COL3A1: variants seen among roughly 807,000 people sequenced by gnomAD.
COL3A1 encodes collagen alpha-1(III) chain.
COL3A1 carries 46 observed loss-of-function variants against 200.9 expected under a neutral mutation model. That is an observed-to-expected ratio of 0.23 (90% CI 0.18 to 0.29). The LOEUF (loss-of-function observed/expected upper bound fraction) is 0.29. Among genes scored for constraint, COL3A1 ranks in the 10% least tolerant of loss-of-function variants. The probability of loss-of-function intolerance (pLI) is 1.00; values close to 1 mark genes in which losing one functional copy is unlikely to be tolerated. For missense variants in COL3A1, 1,367 were observed against 1,917.6 expected (o/e 0.71, Z 5.36); for synonymous variants, 650 against 628.0 (o/e 1.03, Z -0.52).
At chr2:188,980,258 G>T (rs1459768718) in intron 1 of COL3A1, among the ~76,000 whole-genome samples, 1 of 151,120 alleles carries the variant, frequency 6.6e-6, no homozygotes, top group Non-Finnish European at 1.5e-5. Context: ...CTGGTGGTTA[G>T]ATATATGATA....
At chr2:189,006,742 T>C (rs1216223394) in intron 43 of COL3A1, among the ~76,000 whole-genome samples, 195 bp from the exon 44 acceptor site, 1 of 152,144 alleles carries the variant, frequency 6.6e-6, no homozygotes, top group Non-Finnish European at 1.5e-5. Flanking sequence ...TTGCCCAACT[T>C]TTCTGTCTAG....
intron 1 of COL3A1, among the ~76,000 whole-genome samples, chr2:188,983,719 C>T (rs978548294): frequency 1.2e-4 from 18 of 151,990 alleles, no homozygotes; most frequent in Middle Eastern, 3.4e-3. Context: ...AAAATTTCAC[C>T]ATCTCACAAA....
rs1327525316 is a variant in COL3A1, at chr2:188,992,237, C to A, written c.996+9C>A. 1 of 1,613,200 alleles carries A rather than the reference C, an allele frequency of 6.2e-7. No individual in the cohort carries two copies. Among genetic ancestry groups the A allele is most frequent in the Non-Finnish European group, 8.5e-7 (1 of 1,179,376 alleles). ...GCAGTGATGGTCAACCAGTAAGTAACTTTCTATCTCTTATGTGTTGTAGGG... is the reference window on the plus strand; with the variant it reads ...GCAGTGATGGTCAACCAGTAAGTAAATTTCTATCTCTTATGTGTTGTAGGG... On this transcript the variant is annotated intron_variant, in intron 14 of 50. Transcript: ENST00000304636.
chr2:188,990,274 G>T lies in COL3A1; in HGVS notation c.745-33G>T, dbSNP rs184408551. 7.7e-5 allele frequency: 124 copies of T among 1,600,890 alleles called. 1 individual carries two copies. The Admixed American group carries it at 1.3e-3, about 16-fold the overall frequency. ...TACTAGATTGTGATTCTATTTGAAGGTTCATTAATATTTTTTCATTCATTA... is the reference window on the plus strand; with the variant it reads ...TACTAGATTGTGATTCTATTTGAAGTTTCATTAATATTTTTTCATTCATTA... On this transcript the variant is annotated intron_variant, in intron 9 of 50. Coordinates refer to ENST00000304636, the MANE Select transcript of COL3A1 (RefSeq NM_000090.4).
At chr2:188,996,359 CT>C in intron 23 of COL3A1, 38 bp from the exon 24 acceptor site, 5 of 1,530,156 alleles carry the variant, frequency 3.3e-6, no homozygotes, top group Non-Finnish European at 4.5e-6. Context: ...TTAATCTTCT[CT>C]TTATCAAACC....
Position 189,011,656 on chromosome 2 carries a change from T to C in COL3A1, c.4283T>C (p.Val1428Ala), listed in dbSNP as rs777223634. 1 of 1,614,022 alleles carries C rather than the reference T, an allele frequency of 6.2e-7. No homozygotes were observed. ...CACACTGGGGAATGGAGCAAAACAG[T>C]CTTTGAATATCGAACACGCAAGGCT... ...TKHTGEWSKT[V>A]FEYRTRKAVR... Residue 1428 changes from valine (V) to alanine (A), a missense_variant, in exon 51 of 51, where the codon GTC becomes GCC. This residue lies in a region of COL3A1 where 846 missense variants were observed against 1,147.9 expected (regional missense o/e 0.74). Coordinates refer to ENST00000304636, the MANE Select transcript of COL3A1 (RefSeq NM_000090.4).
At chr2:188,995,541 A>G (rs1490793343) in intron 21 of COL3A1, 151 bp from the exon 22 acceptor site, 2 of 618,630 alleles carry the variant, frequency 3.2e-6, no homozygotes, top group African/African-American at 3.7e-5. Context: ...AATCCAAGCT[A>G]AGATAACTGA....
chr2:188,977,639 C>T (rs1292600818), intron 1 of COL3A1, among the ~76,000 whole-genome samples: 1 of 151,934 alleles, frequency 6.6e-6, no homozygotes, highest in Non-Finnish European at 1.5e-5. Context: ...TTTGAGATTA[C>T]AAAACTAGAA....
chr2:189,009,913 A>G (rs1288005822), intron 48 of COL3A1, among the ~76,000 whole-genome samples: 1 of 152,188 alleles, frequency 6.6e-6, no homozygotes, highest in Non-Finnish European at 1.5e-5. Flanking sequence ...ACTTTTGCAA[A>G]TATTATACAG....
At chr2:188,997,462 C>A in intron 26 of COL3A1, 73 bp downstream of exon 26, 1 of 1,454,386 alleles carries the variant, frequency 6.9e-7, no homozygotes. Context: ...TCAAAAATTA[C>A]ATAATCTCTG....
intron 28 of COL3A1, among the ~76,000 whole-genome samples, 157 bp downstream of exon 28, chr2:188,998,476 T>A (rs1432268460): frequency 3.3e-5 from 5 of 152,230 alleles, no homozygotes; most frequent in Admixed American, 1.3e-4. Context: ...ATTTAAAAGA[T>A]AACTATTATA....
chr2:188,996,239 C>A, intron 23 of COL3A1, 61 bp downstream of exon 23: 1 of 1,424,734 alleles, frequency 7.0e-7, no homozygotes, highest in African/African-American at 1.5e-5. Flanking sequence ...TATATGTTGG[C>A]CTATCCTTGA....
At chr2:189,008,533 C>G in intron 47 of COL3A1, 1 of 391,616 alleles carries the variant, frequency 2.6e-6, no homozygotes, top group Non-Finnish European at 4.7e-6. Context: ...ACTATCATTC[C>G]TAATACTTTC....
In COL3A1 at chr2:188,980,602, C is replaced by A. The variant is rs73981448; in HGVS notation, c.80-4158C>A. On this transcript the variant is annotated intron_variant, in intron 1 of 50. Coordinates refer to ENST00000304636, the MANE Select transcript of COL3A1 (RefSeq NM_000090.4). Reference sequence around the variant, plus strand: ...TATCAACTTTTTTTCCTGGAGGTAGCAAGAATAAATAAAATCTTATTTTCT... The same window carrying A: ...TATCAACTTTTTTTCCTGGAGGTAGAAAGAATAAATAAAATCTTATTTTCT... Among the ~76,000 whole-genome samples the A allele has an allele frequency of 8.8e-3, 1,326 of 150,292 alleles. 34 individuals are homozygous for A. Among genetic ancestry groups the A allele is most frequent in the African/African-American group, 0.031 (1,264 of 41,328 alleles).
rs587779670 is a variant in COL3A1 at position 188,992,877 on chromosome 2, A to C, written c.997-10A>C. ...AAAAGAGCTCTTGAAATTGTATTTA[A>C]TTTTTTCAGGGCCCTCCTGGTCCTC... On this transcript the variant is annotated splice_polypyrimidine_tract_variant and intron_variant, in intron 14 of 50. Transcript: ENST00000304636. 6.2e-7 allele frequency: 1 copy of C among 1,613,676 alleles called. No individual in the cohort carries two copies. Among genetic ancestry groups the C allele is most frequent in the Non-Finnish European group, 8.5e-7 (1 of 1,179,702 alleles).
intron 1 of COL3A1, among the ~76,000 whole-genome samples, chr2:188,977,055 A>G (rs1479913883): frequency 6.6e-6 from 1 of 152,160 alleles, no homozygotes; most frequent in Non-Finnish European, 1.5e-5. Context: ...CGAAAACACA[A>G]TGGTAACAAT....
In COL3A1 at chr2:188,998,299, A is replaced by G; in HGVS notation, c.1957A>G (p.Asn653Asp). The change falls in exon 28 of 51, where the codon AAT becomes GAT. Residue 653 changes from asparagine to aspartate, a missense_variant. Physicochemically the swap from Asn to Asp is conservative, Grantham distance 23 (BLOSUM62 1). Around this residue, in one of 5 missense-constraint regions of COL3A1, gnomAD observed 846 missense variants for 1,147.9 expected, o/e 0.74. Coordinates refer to ENST00000304636, the MANE Select transcript of COL3A1 (RefSeq NM_000090.4). ...LPGTGGPPGENGKPGEPGPKG... is the reference protein window; with the variant it reads ...LPGTGGPPGEDGKPGEPGPKG... ...TGGTACAGGTGGTCCTCCAGGAGAA[A>G]ATGGAAAACCTGGGGAACCAGTAAG... is the stretch of plus-strand genomic sequence containing the variant. 1 of 1,613,914 alleles carries G rather than the reference A, an allele frequency of 6.2e-7. No individual in the cohort carries two copies. Among genetic ancestry groups the G allele is most frequent in the Non-Finnish European group, 8.5e-7 (1 of 1,179,868 alleles).
In COL3A1 at chr2:188,988,616, T is replaced by C. The variant is rs560255534; in HGVS notation, c.609T>C (p.Pro203=). The change falls in exon 7 of 51, where the codon CCT becomes CCC. Residue 203 remains proline, a synonymous_variant. Transcript: ENST00000304636. ...GATCTCCAGGATACCAAGGACCCCCTGGTGAACCTGGGCAAGCTGGTCCTT... is the reference window on the plus strand; with the variant it reads ...GATCTCCAGGATACCAAGGACCCCCCGGTGAACCTGGGCAAGCTGGTCCTT... ...SPGSPGYQGP[P]GEPGQAGPSG... The C allele has an allele frequency of 1.9e-6, 3 of 1,608,562 alleles. No individual in the cohort carries two copies. In the South Asian group the frequency reaches 3.3e-5, roughly 18 times the overall value.
chr2:188,993,614 C>A lies in COL3A1; in HGVS notation c.1149+155C>A, dbSNP rs562354681. 4.6e-5 allele frequency among the ~76,000 whole-genome samples: 7 copies of A among 152,276 alleles called. 1 individual carries two copies. In the South Asian group the frequency reaches 1.2e-3, roughly 27 times the overall value. On this transcript the variant is annotated intron_variant, in intron 16 of 50. Coordinates refer to ENST00000304636, the MANE Select transcript of COL3A1 (RefSeq NM_000090.4). Reference sequence around the variant, plus strand: ...TTGCTTAGTGCTCTAAAATGATCCTCCTGTGACACATACTGATTTGATTAG... The same window carrying A: ...TTGCTTAGTGCTCTAAAATGATCCTACTGTGACACATACTGATTTGATTAG...
Sources: gnomAD v4.1 joint callset for allele counts (sites outside exome capture counted in the v4.1 genomes callset) on GRCh38, gnomAD v4.1.1 for gene constraint, gnomAD v4.1.1 regional missense constraint, MANE v1.5 for transcripts, NCBI Gene and HGNC (gene_info 2026-07-23, HGNC 2026-07-21) for gene names.